Variants in PBX3 observed in about 807,000 individuals in gnomAD.
PBX3 encodes the protein PBX homeobox 3.
In PBX3, 14 loss-of-function variants were observed where a neutral mutation model predicts 48.5. That is an observed-to-expected ratio of 0.29 (90% CI 0.19 to 0.45). PBX3 has a LOEUF of 0.45. Ranked by LOEUF, PBX3 falls within the 20% of genes least tolerant of loss-of-function variation. The probability of loss-of-function intolerance (pLI) is 1.00; values close to 1 mark genes in which losing one functional copy is unlikely to be tolerated. For missense variants in PBX3, 386 were observed against 546.7 expected (o/e 0.71, Z 2.93); for synonymous variants, 210 against 200.3 (o/e 1.05, Z -0.41).
intron 2 of PBX3, among the ~76,000 whole-genome samples, chr9:125,809,373 T>G (rs1355792305): frequency 5.3e-5 from 8 of 152,090 alleles, no homozygotes; most frequent in Non-Finnish European, 1.2e-4. Flanking sequence ...TGGGGAGATG[T>G]GATAAGATGA....
intron 2 of PBX3, among the ~76,000 whole-genome samples, chr9:125,858,950 T>C (rs1365522336): frequency 6.6e-6 from 1 of 152,168 alleles, no homozygotes; most frequent in East Asian, 1.9e-4. Context: ...CTTTTAATTA[T>C]CTTTAATAGT....
intron 2 of PBX3, among the ~76,000 whole-genome samples, chr9:125,811,266 T>A (rs1273671558): frequency 2.0e-5 from 3 of 152,200 alleles, no homozygotes; most frequent in African/African-American, 7.2e-5. Flanking sequence ...ACTGGGTGGC[T>A]TAAATAATAA....
At chr9:125,940,243 G>A (rs867148467) in intron 5 of PBX3, among the ~76,000 whole-genome samples, 1 of 152,180 alleles carries the variant, frequency 6.6e-6, no homozygotes, top group Non-Finnish European at 1.5e-5. Flanking sequence ...AACAATCAAG[G>A]AGTTTCAGTA....
chr9:125,864,376 G>A (rs1009442257), intron 2 of PBX3, among the ~76,000 whole-genome samples: 2 of 152,176 alleles, frequency 1.3e-5, no homozygotes, highest in African/African-American at 4.8e-5. Flanking sequence ...TTTCATGGAA[G>A]ACAATTTTTC....
intron 2 of PBX3, among the ~76,000 whole-genome samples, chr9:125,818,891 A>G (rs1838561111): frequency 6.6e-6 from 1 of 152,218 alleles, no homozygotes; most frequent in African/African-American, 2.4e-5. Flanking sequence ...GCTGGAGTGC[A>G]GTGGTGTGAT....
chr9:125,827,572 C>T (rs1838844470), intron 2 of PBX3, among the ~76,000 whole-genome samples: 2 of 152,034 alleles, frequency 1.3e-5, no homozygotes, highest in African/African-American at 2.4e-5. Flanking sequence ...ACCTATGTGT[C>T]GTATATACAC....
chr9:125,748,450 TG>T, intron 1 of PBX3, 99 bp from the exon 2 acceptor site: 2 of 1,532,558 alleles, frequency 1.3e-6, no homozygotes, highest in Non-Finnish European at 8.9e-7. Context: ...CCTTCCAGAA[TG>T]GGGGGCTGGA....
At chr9:125,823,858 T>C (rs1838730097) in intron 2 of PBX3, among the ~76,000 whole-genome samples, 1 of 152,010 alleles carries the variant, frequency 6.6e-6, no homozygotes, top group Non-Finnish European at 1.5e-5. Context: ...GGTGAATGAC[T>C]TGAGGTCAGG....
intron 2 of PBX3, among the ~76,000 whole-genome samples, chr9:125,767,434 CT>C (rs1405519100): frequency 6.6e-6 from 1 of 152,160 alleles, no homozygotes; most frequent in East Asian, 1.9e-4. Flanking sequence ...AAAATCTGCC[CT>C]TTCTTCCATG....
intron 2 of PBX3, among the ~76,000 whole-genome samples, chr9:125,786,377 C>A (rs1837457566): frequency 6.6e-6 from 1 of 152,124 alleles, no homozygotes; most frequent in African/African-American, 2.4e-5. Context: ...ACAAGGAAAA[C>A]CAGGAGCCTG....
intron 2 of PBX3, among the ~76,000 whole-genome samples, chr9:125,827,169 A>G (rs1279212636): frequency 6.6e-6 from 1 of 152,322 alleles, no homozygotes; most frequent in Non-Finnish European, 1.5e-5. Flanking sequence ...TATGCAGTAT[A>G]TCAATGAATG....
intron 2 of PBX3, among the ~76,000 whole-genome samples, chr9:125,877,227 A>G (rs926663336): frequency 6.6e-6 from 1 of 152,250 alleles, no homozygotes; most frequent in Admixed American, 6.5e-5. Flanking sequence ...CATTGACTTC[A>G]TAAACCAAAA....
At chr9:125,892,966 T>A (rs1258033493) in intron 2 of PBX3, among the ~76,000 whole-genome samples, 1 of 152,242 alleles carries the variant, frequency 6.6e-6, no homozygotes, top group Non-Finnish European at 1.5e-5. Flanking sequence ...ACGCTAGCAT[T>A]ACAGAGCTTT....
intron 5 of PBX3, among the ~76,000 whole-genome samples, chr9:125,943,457 A>T (rs928199733): frequency 3.3e-5 from 5 of 150,770 alleles, no homozygotes; most frequent in African/African-American, 1.2e-4. Flanking sequence ...CTATACCTGG[A>T]AGAAGTCATA....
Position 125,931,096 on chromosome 9 carries a change from A to G in PBX3, c.707+1251A>G, listed in dbSNP as rs529096500. Among the ~76,000 whole-genome samples, 7 of 152,320 alleles carry G rather than the reference A, an allele frequency of 4.6e-5. No homozygotes were observed. The East Asian group carries it at 7.7e-4, about 17-fold the overall frequency. ...TTTATTACCTAAAGAAAAAATCACT[A>G]TAAATGTTTTACAATATTCTCTCTC... is the stretch of plus-strand genomic sequence containing the variant. On this transcript the variant is annotated intron_variant, in intron 4 of 8. Transcript: ENST00000373489.
chr9:125,757,045 T>A (rs1836536833), intron 2 of PBX3, among the ~76,000 whole-genome samples: 1 of 152,166 alleles, frequency 6.6e-6, no homozygotes, highest in South Asian at 2.1e-4. Flanking sequence ...GGCTTTCAGA[T>A]GTACTAAGCC....
chr9:125,876,801 T>C (rs899349071), intron 2 of PBX3, among the ~76,000 whole-genome samples: 2 of 149,694 alleles, frequency 1.3e-5, no homozygotes, highest in African/African-American at 4.9e-5. Context: ...TTTCTTTCTT[T>C]CTTTTTTTTT....
intron 2 of PBX3, among the ~76,000 whole-genome samples, chr9:125,856,595 C>A (rs946804625): frequency 2.0e-5 from 3 of 152,124 alleles, no homozygotes; most frequent in African/African-American, 7.2e-5. Flanking sequence ...GACAAGCAGT[C>A]CCAGCATAAA....
chr9:125,962,283 C>A, intron 7 of PBX3, 69 bp downstream of exon 7: 2 of 879,736 alleles, frequency 2.3e-6, no homozygotes, highest in Non-Finnish European at 3.8e-6. Context: ...CTTCCTCTGA[C>A]CCCATGGAAG....
Sources: allele counts gnomAD v4.1 joint callset (sites outside exome capture counted in the v4.1 genomes callset), GRCh38; gene constraint gnomAD v4.1.1; transcripts MANE v1.5; gene names NCBI Gene and HGNC (gene_info 2026-07-23, HGNC 2026-07-21).